RBFOX1: variants seen among roughly 807,000 people sequenced by gnomAD.
RBFOX1 encodes RNA binding fox-1 homolog 1.
Under a neutral mutation model 57.7 loss-of-function variants are expected in RBFOX1, and 8 were observed. The ratio of observed to expected loss-of-function variants is 0.14; its 90% CI spans 0.08 to 0.25. The LOEUF (loss-of-function observed/expected upper bound fraction) is 0.25, where lower values mean the gene tolerates loss of function less well. Among genes scored for constraint, RBFOX1 ranks in the 10% least tolerant of loss-of-function variants. The probability of loss-of-function intolerance (pLI) is 1.00; values close to 1 mark genes in which losing one functional copy is unlikely to be tolerated. For synonymous variants in RBFOX1, 326 were observed against 222.4 expected, an observed-to-expected ratio of 1.47 and a Z score of -4.15; for missense variants, 611 against 548.5, an observed-to-expected ratio of 1.11 and a Z score of -1.14.
chr16:7,260,513 C>T (rs2094876872), intron 4 of RBFOX1, among the ~76,000 whole-genome samples: 1 of 152,086 alleles, frequency 6.6e-6, no homozygotes, highest in South Asian at 2.1e-4. Flanking sequence ...TCCCCGTTAA[C>T]TGCTTCTAGT....
chr16:7,589,995 G>A (rs1044543806), intron 7 of RBFOX1, among the ~76,000 whole-genome samples: 1 of 151,492 alleles, frequency 6.6e-6, no homozygotes, highest in Non-Finnish European at 1.5e-5. Context: ...GATGGACGCA[G>A]TGTCTCATAC....
intron 3 of RBFOX1, among the ~76,000 whole-genome samples, chr16:5,746,060 C>T (rs560783213): frequency 1.2e-3 from 185 of 152,208 alleles, no homozygotes; most frequent in African/African-American, 4.3e-3. Flanking sequence ...TGTAGGGTTT[C>T]TATAGTTTTA....
intron 2 of RBFOX1, among the ~76,000 whole-genome samples, chr16:5,546,387 G>A (rs1275083432): frequency 6.6e-6 from 1 of 152,164 alleles, no homozygotes; most frequent in Non-Finnish European, 1.5e-5. Context: ...GAAGAACAAA[G>A]TTAGAGGGCT....
At chr16:6,139,243 A>T (rs1053299656) in intron 1 of RBFOX1, among the ~76,000 whole-genome samples, 6 of 152,132 alleles carry the variant, frequency 3.9e-5, no homozygotes, top group African/African-American at 1.4e-4. Flanking sequence ...TTTTCAGGCC[A>T]ACTAAGCATG....
At position 5,317,891 on chromosome 16, in the gene RBFOX1, T is replaced by A. The variant is rs537185183; in HGVS notation, c.219+77786T>A. Among the ~76,000 whole-genome samples, 7 of 152,254 alleles carry A rather than the reference T, an allele frequency of 4.6e-5. No homozygotes were observed. In the East Asian group the frequency reaches 1.3e-3, roughly 29 times the overall value. ...TTTATTTACAAAATTTTTATCATCT[T>A]CCTAAACAGAAACTCTATATCCTAA... On this transcript the variant is annotated intron_variant, in intron 1 of 2. Coordinates refer to the RBFOX1 transcript ENST00000585867.
chr16:7,218,628 CTGTGTGTGTGTGTGTGTG>C (rs60333818), intron 4 of RBFOX1, among the ~76,000 whole-genome samples: 28 of 127,536 alleles, frequency 2.2e-4, no homozygotes, highest in Admixed American at 7.4e-4. Context: ...TGGGGGTTTG[CTGTGTGTGTGTGTGTGTG>C]TGTGTGTGTG....
intron 3 of RBFOX1, among the ~76,000 whole-genome samples, chr16:5,670,560 A>G (rs1860307): frequency 0.61 from 91,996 of 152,046 alleles, 29,462 homozygotes; most frequent in Non-Finnish European, 0.72. Flanking sequence ...CTGCACTGTG[A>G]TACTGCCTGA....
intron 4 of RBFOX1, among the ~76,000 whole-genome samples, chr16:7,223,977 C>G (rs1346513779): frequency 6.6e-6 from 1 of 151,666 alleles, no homozygotes; most frequent in Non-Finnish European, 1.5e-5. Context: ...GGCTTCAGTG[C>G]TTTAATGTGA....
At chr16:7,368,604 C>G (rs1244351632) in intron 4 of RBFOX1, among the ~76,000 whole-genome samples, 2 of 151,630 alleles carry the variant, frequency 1.3e-5, no homozygotes, top group African/African-American at 4.8e-5. Flanking sequence ...CGGTGAAACC[C>G]CCTGTCTACT....
intron 2 of RBFOX1, among the ~76,000 whole-genome samples, chr16:5,526,409 C>T (rs542814973): frequency 2.6e-5 from 4 of 152,168 alleles, no homozygotes; most frequent in African/African-American, 7.2e-5. Context: ...ATGCTTCAGC[C>T]TCCCAAGTAG....
chr16:7,245,870 A>C (rs570958400), intron 4 of RBFOX1, among the ~76,000 whole-genome samples: 2 of 152,182 alleles, frequency 1.3e-5, no homozygotes, highest in African/African-American at 4.8e-5. Context: ...GCGTTTATCT[A>C]ATTTAATCCC....
intron 2 of RBFOX1, among the ~76,000 whole-genome samples, chr16:6,537,366 A>G (rs989475273): frequency 6.6e-6 from 1 of 152,218 alleles, no homozygotes; most frequent in Non-Finnish European, 1.5e-5. Context: ...AATAGCTTAC[A>G]ATTATGGATG....
intron 2 of RBFOX1, among the ~76,000 whole-genome samples, chr16:6,454,836 T>C (rs549888056): frequency 1.9e-4 from 28 of 150,036 alleles, no homozygotes; most frequent in African/African-American, 6.6e-4. Flanking sequence ...TATTCTCTCA[T>C]ACTCTATTTC....
At chr16:7,464,027 A>G (rs1168046674) in intron 4 of RBFOX1, among the ~76,000 whole-genome samples, 1 of 152,242 alleles carries the variant, frequency 6.6e-6, no homozygotes, top group Non-Finnish European at 1.5e-5. Flanking sequence ...GTCTGACTCC[A>G]AAGCCTTGGC....
At chr16:7,708,584 G>A (rs1467265753) in intron 14 of RBFOX1, among the ~76,000 whole-genome samples, 2 of 152,122 alleles carry the variant, frequency 1.3e-5, no homozygotes, top group South Asian at 2.1e-4. Flanking sequence ...CTAAGATGCT[G>A]GACACTAACT....
At chr16:6,834,519 A>AATGC (rs2092945172) in intron 3 of RBFOX1, among the ~76,000 whole-genome samples, 1 of 152,010 alleles carries the variant, frequency 6.6e-6, no homozygotes, top group Non-Finnish European at 1.5e-5. Flanking sequence ...TGAATGAATG[A>AATGC]ATGAATGAAT....
At chr16:7,535,428 A>C (rs752695730) in intron 5 of RBFOX1, among the ~76,000 whole-genome samples, 1 of 152,222 alleles carries the variant, frequency 6.6e-6, no homozygotes, top group Non-Finnish European at 1.5e-5. Flanking sequence ...ATTGCGACTC[A>C]GAGATGCAAA....
intron 14 of RBFOX1, among the ~76,000 whole-genome samples, chr16:7,690,128 A>C (rs1159569203): frequency 6.6e-6 from 1 of 152,066 alleles, no homozygotes; most frequent in African/African-American, 2.4e-5. Flanking sequence ...GCTGGGCCAC[A>C]TATTAGAGTC....
chr16:5,604,048 A>G (rs2047470218), downstream of RBFOX1, among the ~76,000 whole-genome samples: 1 of 152,156 alleles, frequency 6.6e-6, no homozygotes, highest in South Asian at 2.1e-4. Context: ...CCAGGCAGAC[A>G]TTACTAATCA....
Sources: gnomAD v4.1 joint callset for allele counts (sites outside exome capture counted in the v4.1 genomes callset) on GRCh38, gnomAD v4.1.1 for gene constraint, MANE v1.5 for transcripts, NCBI Gene and HGNC (gene_info 2026-07-23, HGNC 2026-07-21) for gene names.